CHTF18: variants seen among roughly 807,000 people sequenced by gnomAD.
CHTF18 encodes the protein chromosome transmission fidelity protein 18 homolog.
CHTF18 carries 151 observed loss-of-function variants against 113.4 expected under a neutral mutation model. That is an observed-to-expected ratio of 1.33 (90% CI 1.17 to 1.52). The LOEUF (loss-of-function observed/expected upper bound fraction) is 1.52. Ranked by LOEUF, CHTF18 falls within the 40% of genes most tolerant of loss-of-function variation. The pLI, the probability that CHTF18 is intolerant of heterozygous loss-of-function variation, is 0.00. For synonymous variants in CHTF18, 916 were observed against 598.8 expected (o/e 1.53, Z -7.74); for missense variants, 1,982 against 1,381.6 (o/e 1.43, Z -6.89).
In CHTF18 at chr16:790,413, C is replaced by A. The variant is rs1337268648; in HGVS notation, c.752+14C>A. The A allele has an allele frequency of 6.2e-7, 1 of 1,612,298 alleles. No individual in the cohort carries two copies. Among genetic ancestry groups the A allele is most frequent in the South Asian group, 1.1e-5 (1 of 90,950 alleles). Reference sequence around the variant, plus strand: ...CACCCTGCACAGGTGACTTGGTTGGCCCTTCCGCCCTGGGGACCCTTGTTG... The same window carrying A: ...CACCCTGCACAGGTGACTTGGTTGGACCTTCCGCCCTGGGGACCCTTGTTG... On this transcript the variant is annotated intron_variant, in intron 6 of 21. Coordinates refer to ENST00000262315, the MANE Select transcript of CHTF18 (RefSeq NM_022092.3).
rs764687419 is a variant in CHTF18, at chr16:792,317, G to A, written c.1296G>A (p.Leu432=). 7.1e-6 allele frequency: 11 copies of A among 1,553,142 alleles called. No homozygotes were observed. In the African/African-American group the frequency reaches 1.1e-4, roughly 15 times the overall value. ...GTGCTGGCGGGAAGCCCAACTGCCT[G>A]GTCATCGATGAGATCGACGGGGCCC... ...VLGAGGKPNC[L]VIDEIDGAPV... The change falls in exon 10 of 22, where the codon CTG becomes CTA. Residue 432 remains leucine, a synonymous_variant. Transcript: ENST00000262315.
Position 790,309 on chromosome 16 carries a change from G to A in CHTF18, c.700-38G>A, listed in dbSNP as rs201124441. 68 of 1,610,314 alleles carry A rather than the reference G, an allele frequency of 4.2e-5. No individual in the cohort carries two copies. In the African/African-American group the frequency reaches 6.4e-4, roughly 15 times the overall value. ...TTTGCTGGGGGGCGGTGGCGGGGCC[G>A]CCTGAGCCCTCCTGATTCCAGCCTG... On this transcript the variant is annotated intron_variant, in intron 5 of 21. Coordinates refer to ENST00000262315, the MANE Select transcript of CHTF18 (RefSeq NM_022092.3).
intron 14 of CHTF18, chr16:793,740 G>C: frequency 1.5e-6 from 1 of 657,114 alleles, no homozygotes. Flanking sequence ...TATGGGAGAC[G>C]CTGGCCTGGG....
At chr16:796,228 G>A (rs1290501444) in intron 18 of CHTF18, among the ~76,000 whole-genome samples, 151 bp downstream of exon 18, 4 of 152,218 alleles carry the variant, frequency 2.6e-5, no homozygotes, top group South Asian at 4.1e-4. Context: ...AGATGTAACC[G>A]TGAAGGGGGG....
rs768840030 is a variant in CHTF18, at chr16:797,994, T to C, written c.*19T>C. ...GCTCTAGTTCTCTGAGCCGCGGACATGCCCTCGCATTGCTTCCCGCAGAGT... is the reference window on the plus strand; with the variant it reads ...GCTCTAGTTCTCTGAGCCGCGGACACGCCCTCGCATTGCTTCCCGCAGAGT... On this transcript the variant is annotated 3_prime_UTR_variant, in exon 22 of 22. Transcript: ENST00000262315. 3.1e-6 allele frequency: 5 copies of C among 1,601,416 alleles called. No homozygotes were observed. The South Asian group carries it at 5.5e-5, about 18-fold the overall frequency.
chr16:797,583 C>T, intron 20 of CHTF18, 111 bp from the exon 21 acceptor site: 2 of 1,186,460 alleles, frequency 1.7e-6, no homozygotes, highest in African/African-American at 1.5e-5. Flanking sequence ...AAAGGTGTCT[C>T]AGAGGTGTTC....
intron 20 of CHTF18, 39 bp downstream of exon 20, chr16:797,131 A>G (rs767097104): frequency 2.7e-6 from 4 of 1,481,750 alleles, no homozygotes; most frequent in Non-Finnish European, 3.6e-6. Context: ...ACCAGGGTAC[A>G]TACCTTTGGG....
Position 797,040 on chromosome 16 carries a change from A to G in CHTF18, c.2681A>G (p.Asn894Ser), listed in dbSNP as rs772258140. ...EKGVHRPAPR[N>S]HEQRLEHIMR... ...GGGGTGCACCGACCTGCCCCACGCA[A>G]CCATGAGCAGCGGCTGGAGCACATC... is the stretch of plus-strand genomic sequence containing the variant. The change falls in exon 20 of 22, where the codon AAC becomes AGC. Residue 894 changes from asparagine to serine, a missense_variant. Coordinates refer to ENST00000262315, the MANE Select transcript of CHTF18 (RefSeq NM_022092.3). The G allele has an allele frequency of 1.3e-6, 2 of 1,561,822 alleles. No individual in the cohort carries two copies.
intron 16 of CHTF18, 74 bp downstream of exon 16, chr16:795,430 C>G: frequency 9.4e-7 from 1 of 1,068,962 alleles, no homozygotes. Flanking sequence ...TGGCTGCCCC[C>G]GGCCCCGTGC....
In CHTF18 at chr16:789,340, C is replaced by A; in HGVS notation, c.417C>A (p.Leu139=). 6.3e-7 allele frequency: 1 copy of A among 1,599,022 alleles called. No individual in the cohort carries two copies. Among genetic ancestry groups the A allele is most frequent in the East Asian group, 2.2e-5 (1 of 44,648 alleles). The part of the protein sequence containing the change: ...DITPPPSPED[L]AELWGHGVSE... ...CCCCGCCGCCGAGCCCTGAGGACCTCGCAGAGCTTTGGGGCCACGGGTGTG... is the reference window on the plus strand; with the variant it reads ...CCCCGCCGCCGAGCCCTGAGGACCTAGCAGAGCTTTGGGGCCACGGGTGTG... Residue 139 remains leucine, a synonymous_variant, in exon 3 of 22, where the codon CTC becomes CTA. Coordinates refer to ENST00000262315, the MANE Select transcript of CHTF18 (RefSeq NM_022092.3).
intron 3 of CHTF18, 50 bp downstream of exon 3, chr16:789,410 A>T (rs564598440): frequency 6.5e-7 from 1 of 1,540,178 alleles, no homozygotes; most frequent in Non-Finnish European, 8.7e-7. Flanking sequence ...AGTGGGACTC[A>T]GATGGAGCCC....
chr16:794,900 G>A (rs1367818279), intron 15 of CHTF18: 1 of 564,534 alleles, frequency 1.8e-6, no homozygotes, highest in Non-Finnish European at 3.2e-6. Flanking sequence ...AAGCTGTAGC[G>A]AGGATGCTCA....
At chr16:789,151 C>A in intron 2 of CHTF18, 26 bp downstream of exon 2, 1 of 1,549,428 alleles carries the variant, frequency 6.5e-7, no homozygotes, top group South Asian at 1.2e-5. Flanking sequence ...TGCCCCAGGG[C>A]CTCCGGAGTG....
chr16:790,264 G>C lies in CHTF18; in HGVS notation c.694G>C (p.Gly232Arg). The C allele has an allele frequency of 1.9e-6, 3 of 1,607,114 alleles. No homozygotes were observed. The highest frequency in any genetic ancestry group is 2.5e-6 in the Non-Finnish European group (3 of 1,177,716). Residue 232 changes from glycine to arginine, a missense_variant, in exon 5 of 22, where the codon GGC becomes CGC. Gly to Arg is a moderately radical substitution (Grantham distance 125, BLOSUM62 -2). Coordinates refer to ENST00000262315, the MANE Select transcript of CHTF18 (RefSeq NM_022092.3). ...AGCCTCCCTGAAGAAGCAGGTCGAC[G>C]GCGAGGTAGGGGCTGCGGGTTTGCT... is the stretch of plus-strand genomic sequence containing the variant. ...SLASLKKQVD[G>R]ERRERLLQEA...
rs563732952 is a variant in CHTF18, at chr16:793,334, G to A, written c.1802+60G>A. 44 of 1,577,638 alleles carry A rather than the reference G, an allele frequency of 2.8e-5. 1 individual carries two copies. In the South Asian group the frequency reaches 4.4e-4, roughly 16 times the overall value. On this transcript the variant is annotated intron_variant, in intron 14 of 21. Transcript: ENST00000262315. The stretch of plus-strand genomic sequence containing the variant: ...ACGGTGCCCGGACCTCAGGACGCTA[G>A]CCCTGTGTGCAGGCCAGCACTACCT...
In CHTF18 at chr16:795,216, G is replaced by A. The variant is rs749029988; in HGVS notation, c.2035G>A (p.Asp679Asn). 12 of 1,554,596 alleles carry A rather than the reference G, an allele frequency of 7.7e-6. No individual in the cohort carries two copies. The highest frequency in any genetic ancestry group is 1.9e-4 in the Middle Eastern group (1 of 5,386). Residue 679 changes from aspartate (D) to asparagine (N), a missense_variant, in exon 16 of 22, where the codon GAT becomes AAT. Transcript: ENST00000262315. ...TGTGGCCCTCGACTGGCTGGCCTTC[G>A]ATGACCTGCTGGCGGGGGCTGCTCA... is the stretch of plus-strand genomic sequence containing the variant. ...VCVALDWLAF[D>N]DLLAGAAHHS...
rs1176738528 is a variant in CHTF18, at chr16:788,794, C to T, written c.91+19C>T. ...CTGGAAGGTGGGGCGCGGCCCCCGG[C>T]CGTTGGGGAGGAGCTGCGAAAGCCG... On this transcript the variant is annotated intron_variant, in intron 1 of 21. Transcript: ENST00000262315. 3 of 1,581,110 alleles carry T rather than the reference C, an allele frequency of 1.9e-6. No homozygotes were observed. The highest frequency in any genetic ancestry group is 2.6e-6 in the Non-Finnish European group (3 of 1,165,344).
rs144469264 is a variant in CHTF18, at chr16:790,730, G to A, written c.894+64G>A. ...CTGTTCCCAAGATGGAAGAACCTGG[G>A]CCCAGTGATTTTTGCACAGCCAATC... On this transcript the variant is annotated intron_variant, in intron 7 of 21. Coordinates refer to ENST00000262315, the MANE Select transcript of CHTF18 (RefSeq NM_022092.3). The A allele has an allele frequency of 8.0e-3, 11,654 of 1,465,778 alleles. 90 individuals carry two copies. Among genetic ancestry groups the A allele is most frequent in the Middle Eastern group, 0.032 (141 of 4,470 alleles). 90.8% of individuals were successfully genotyped at this position (1,465,778 alleles called of 1,614,324 possible). A position where few individuals can be genotyped will look rare whatever the true frequency, so the allele number is the denominator to read the frequency against.
intron 3 of CHTF18, 46 bp from the exon 4 acceptor site, chr16:789,501 G>A: frequency 1.3e-6 from 2 of 1,559,654 alleles, no homozygotes; most frequent in South Asian, 1.2e-5. Flanking sequence ...ATCCAAGGGT[G>A]ACCCCACGCT....
Sources: allele counts gnomAD v4.1 joint callset (sites outside exome capture counted in the v4.1 genomes callset), GRCh38; gene constraint gnomAD v4.1.1; transcripts MANE v1.5; gene names NCBI Gene and HGNC (gene_info 2026-07-23, HGNC 2026-07-21).